DDAH1: variants seen among roughly 807,000 people sequenced by gnomAD.
The protein encoded by DDAH1 is N(G),N(G)-dimethylarginine dimethylaminohydrolase 1.
In DDAH1, 19 loss-of-function variants were observed where a neutral mutation model predicts 28.8. That is an observed-to-expected ratio of 0.66 (90% CI 0.46 to 0.97). The LOEUF is 0.97. Ranked by LOEUF, DDAH1 falls within the 50% of genes least tolerant of loss-of-function variation. DDAH1 has a pLI of 0.00. For synonymous variants in DDAH1, 153 were observed against 154.4 expected, an observed-to-expected ratio of 0.99 and a Z score of 0.07; for missense variants, 326 against 375.9, an observed-to-expected ratio of 0.87 and a Z score of 1.10.
intron 4 of DDAH1, among the ~76,000 whole-genome samples, chr1:85,330,411 A>G (rs962325840): frequency 2.6e-5 from 4 of 152,148 alleles, no homozygotes; most frequent in Admixed American, 2.0e-4. Context: ...CTGTTCCAAC[A>G]TTTTTTCCTA....
intron 1 of DDAH1, among the ~76,000 whole-genome samples, chr1:85,523,991 C>T (rs1657777050): frequency 6.6e-6 from 1 of 151,666 alleles, no homozygotes; most frequent in South Asian, 2.1e-4. Flanking sequence ...TATTGAGTAT[C>T]TACTGATGTC....
At chr1:85,467,393 A>G (rs377317627), upstream of DDAH1, 42 of 152,334 alleles carry the variant, frequency 2.8e-4, no homozygotes, top group East Asian at 6.4e-3. Flanking sequence ...CTAGCAGCCA[A>G]TTAAAACCTG....
At chr1:85,445,373 C>G (rs1000957613) in intron 1 of DDAH1, among the ~76,000 whole-genome samples, 1 of 151,852 alleles carries the variant, frequency 6.6e-6, no homozygotes, top group Non-Finnish European at 1.5e-5. Context: ...TTTTAATTAT[C>G]AAGAAAAAAG....
intron 4 of DDAH1, among the ~76,000 whole-genome samples, chr1:85,325,347 A>ACGTG (rs951178845): frequency 7.2e-6 from 1 of 139,716 alleles, no homozygotes; most frequent in African/African-American, 2.6e-5. Context: ...GTGTGCATGC[A>ACGTG]CGTGCGTGCG....
At chr1:85,528,268 G>A (rs1195674750) in intron 1 of DDAH1, among the ~76,000 whole-genome samples, 1 of 151,740 alleles carries the variant, frequency 6.6e-6, no homozygotes, top group East Asian at 1.9e-4. Context: ...CTTACCAAGT[G>A]TGATGCATTC....
intron 1 of DDAH1, among the ~76,000 whole-genome samples, chr1:85,550,542 C>T (rs762229495): frequency 3.3e-5 from 5 of 152,146 alleles, no homozygotes; most frequent in Non-Finnish European, 5.9e-5. Context: ...TGCCCATAAT[C>T]GGTATGTTTT....
intron 1 of DDAH1, among the ~76,000 whole-genome samples, chr1:85,509,803 GAAAC>G (rs1171098208): frequency 6.6e-6 from 1 of 152,062 alleles, no homozygotes; most frequent in East Asian, 1.9e-4. Context: ...AGAGTAAAAA[GAAAC>G]AAATAGAGCC....
At chr1:85,392,375 C>G (rs1651594533) in intron 1 of DDAH1, among the ~76,000 whole-genome samples, 1 of 152,194 alleles carries the variant, frequency 6.6e-6, no homozygotes, top group Admixed American at 6.5e-5. Context: ...TTGATTACCA[C>G]TGTGAAGACT....
At chr1:85,357,974 G>A (rs893929050) in intron 2 of DDAH1, among the ~76,000 whole-genome samples, 1 of 152,146 alleles carries the variant, frequency 6.6e-6, no homozygotes, top group Non-Finnish European at 1.5e-5. Flanking sequence ...TTATCCATCT[G>A]GCATTAAGCC....
chr1:85,347,538 T>C (rs992620550), intron 4 of DDAH1, among the ~76,000 whole-genome samples: 2 of 152,054 alleles, frequency 1.3e-5, no homozygotes, highest in Non-Finnish European at 2.9e-5. Context: ...ACACTGCATG[T>C]TCTCACTCAC....
chr1:85,418,491 G>T (rs938773614), intron 1 of DDAH1, among the ~76,000 whole-genome samples: 1 of 152,046 alleles, frequency 6.6e-6, no homozygotes, highest in Admixed American at 6.5e-5. Context: ...GTCTGAAATG[G>T]GCGAACTATG....
intron 1 of DDAH1, among the ~76,000 whole-genome samples, chr1:85,436,920 C>A (rs1653969249): frequency 6.6e-6 from 1 of 152,176 alleles, no homozygotes; most frequent in African/African-American, 2.4e-5. Flanking sequence ...CAGGTGCCTC[C>A]ATGGTTTTAA....
chr1:85,505,008 G>A (rs1003232161), intron 1 of DDAH1, among the ~76,000 whole-genome samples: 5 of 81,322 alleles, frequency 6.1e-5, no homozygotes, highest in African/African-American at 1.1e-4. Context: ...TTTTTGAGAC[G>A]GAGTTTCACT....
At chr1:85,495,599 G>A (rs1041128892) in intron 2 of DDAH1, 5 of 152,194 alleles carry the variant, frequency 3.3e-5, no homozygotes, top group Non-Finnish European at 5.9e-5. Context: ...GAATGAAGGC[G>A]CTGGGACACT....
At chr1:85,458,762 A>G (rs1655007082) in intron 1 of DDAH1, among the ~76,000 whole-genome samples, 1 of 152,184 alleles carries the variant, frequency 6.6e-6, no homozygotes, top group African/African-American at 2.4e-5. Flanking sequence ...AGTTCAGAGG[A>G]TTCAGTTATG....
intron 1 of DDAH1, among the ~76,000 whole-genome samples, chr1:85,421,915 T>A (rs1653156610): frequency 6.6e-6 from 1 of 152,218 alleles, no homozygotes; most frequent in South Asian, 2.1e-4. Flanking sequence ...CAGGTTTTTG[T>A]GTGGACATGC....
At chr1:85,524,194 A>T (rs867323510) in intron 1 of DDAH1, among the ~76,000 whole-genome samples, 1 of 151,726 alleles carries the variant, frequency 6.6e-6, no homozygotes, top group South Asian at 2.1e-4. Context: ...AAGGAGGAAG[A>T]TGATACATAC....
chr1:85,562,112 C>T (rs1345614583), intron 1 of DDAH1, among the ~76,000 whole-genome samples: 6 of 151,588 alleles, frequency 4.0e-5, no homozygotes, highest in African/African-American at 1.5e-4. Flanking sequence ...AAGTTTGAAC[C>T]CCTTCTAATC....
chr1:85,332,951 G>C (rs1647869585), intron 4 of DDAH1, among the ~76,000 whole-genome samples: 2 of 152,300 alleles, frequency 1.3e-5, no homozygotes, highest in Admixed American at 1.3e-4. Flanking sequence ...TGGGGAGCCT[G>C]AGGACTCATC....
Sources: gnomAD v4.1 joint callset for allele counts (sites outside exome capture counted in the v4.1 genomes callset) on GRCh38, gnomAD v4.1.1 for gene constraint, MANE v1.5 for transcripts, NCBI Gene and HGNC (gene_info 2026-07-23, HGNC 2026-07-21) for gene names.